Variants in PTPRD observed in about 807,000 individuals in gnomAD.
PTPRD encodes the protein protein tyrosine phosphatase receptor type D.
A neutral mutation model predicts 214.5 loss-of-function variants in PTPRD; 34 were observed. That is an observed-to-expected ratio of 0.16 (90% confidence interval 0.12 to 0.21). PTPRD has a LOEUF of 0.21. PTPRD is among the 10% of genes least tolerant of loss of function. The pLI is 1.00. For synonymous variants in PTPRD, 1,128 were observed against 845.7 expected (o/e 1.33, Z -5.79); for missense variants, 2,545 against 2,398.7 (o/e 1.06, Z -1.27).
chr9:10,197,783 T>C (rs1363689342), intron 3 of PTPRD, among the ~76,000 whole-genome samples: 1 of 151,964 alleles, frequency 6.6e-6, no homozygotes, highest in East Asian at 1.9e-4. Context: ...TGGTAGGCCA[T>C]GGGAGGGATG....
At chr9:8,565,010 C>T (rs562143399) in intron 14 of PTPRD, among the ~76,000 whole-genome samples, 1 of 152,154 alleles carries the variant, frequency 6.6e-6, no homozygotes, top group Non-Finnish European at 1.5e-5. Flanking sequence ...AATACAAAAG[C>T]TCCTTCATTG....
At chr9:8,740,872 T>C (rs901369212) in intron 11 of PTPRD, among the ~76,000 whole-genome samples, 5 of 152,172 alleles carry the variant, frequency 3.3e-5, no homozygotes, top group Non-Finnish European at 5.9e-5. Context: ...AAGCACACAA[T>C]GATTCTTTGA....
At chr9:10,139,464 G>T (rs1310150745) in intron 3 of PTPRD, among the ~76,000 whole-genome samples, 1 of 151,786 alleles carries the variant, frequency 6.6e-6, no homozygotes, top group African/African-American at 2.4e-5. Flanking sequence ...GCAATTTAAA[G>T]ATTCAATGGT....
At chr9:9,513,637 CTTTCCTGAAT>C (rs2096764700) in intron 8 of PTPRD, among the ~76,000 whole-genome samples, 1 of 151,430 alleles carries the variant, frequency 6.6e-6, no homozygotes, top group Non-Finnish European at 1.5e-5. Flanking sequence ...AATATTCACA[CTTTCCTGAAT>C]ATTCTTCTCC....
Position 8,507,421 on chromosome 9 carries a change from T to C in PTPRD, c.1557A>G (p.Pro519=). 6.2e-7 allele frequency: 1 copy of C among 1,613,954 alleles called. No individual in the cohort carries two copies. The highest frequency in any genetic ancestry group is 8.5e-7 in the Non-Finnish European group (1 of 1,179,838). Reference sequence around the variant, plus strand: ...ACTCAGGTTCTGCTTTGAAGTTTAGTGGCTGCCCTGGTACTAAAAACAGGG... The same window carrying C: ...ACTCAGGTTCTGCTTTGAAGTTTAGCGGCTGCCCTGGTACTAAAAACAGGG... ...VITQTGVPGQ[P]LNFKAEPESE... Residue 519 remains proline, a synonymous_variant, in exon 22 of 46, where the codon CCA becomes CCG. Transcript: ENST00000381196.
At chr9:10,257,671 G>C (rs1450946904) in intron 3 of PTPRD, among the ~76,000 whole-genome samples, 1 of 152,120 alleles carries the variant, frequency 6.6e-6, no homozygotes, top group Non-Finnish European at 1.5e-5. Flanking sequence ...AGAGACATCT[G>C]ACCCCACCTG....
At chr9:10,438,008 C>CATATATATTATATATATATATATATAT (rs1555347109) in intron 2 of PTPRD, among the ~76,000 whole-genome samples, 4 of 125,150 alleles carry the variant, frequency 3.2e-5, no homozygotes, top group African/African-American at 1.5e-4. Context: ...CCTAAGTCTA[C>CATATATATTATATATATATATATATAT]ATATATATAT....
At chr9:9,932,112 C>T (rs1265503220) in intron 5 of PTPRD, among the ~76,000 whole-genome samples, 15 of 148,604 alleles carry the variant, frequency 1.0e-4, no homozygotes, top group South Asian at 2.1e-4. Flanking sequence ...GTAGATAAAA[C>T]CACAAAGATG....
intron 2 of PTPRD, among the ~76,000 whole-genome samples, chr9:10,351,494 G>A (rs1565474514): frequency 2.0e-5 from 3 of 151,950 alleles, no homozygotes; most frequent in Non-Finnish European, 2.9e-5. Flanking sequence ...AAAATATATT[G>A]TATTGGAGTC....
intron 20 of PTPRD, among the ~76,000 whole-genome samples, chr9:8,519,263 C>T (rs966224073): frequency 6.6e-6 from 1 of 152,112 alleles, no homozygotes; most frequent in African/African-American, 2.4e-5. Context: ...AATGTAGCTA[C>T]ATGACAAATA....
intron 8 of PTPRD, among the ~76,000 whole-genome samples, chr9:9,521,412 C>T (rs899158025): frequency 2.0e-5 from 3 of 152,090 alleles, no homozygotes; most frequent in Admixed American, 6.6e-5. Flanking sequence ...ATCATAAGGA[C>T]TCTAAAAAGA....
At chr9:8,575,778 A>G (rs1011244627) in intron 14 of PTPRD, among the ~76,000 whole-genome samples, 3 of 152,212 alleles carry the variant, frequency 2.0e-5, no homozygotes, top group Admixed American at 6.5e-5. Flanking sequence ...GAAATTGTGC[A>G]ACAAATGTAG....
intron 8 of PTPRD, among the ~76,000 whole-genome samples, chr9:9,548,823 C>G (rs1379222251): frequency 6.6e-6 from 1 of 151,996 alleles, no homozygotes; most frequent in Non-Finnish European, 1.5e-5. Context: ...CATAGCAATA[C>G]TAAATGTATA....
At chr9:10,175,368 T>G (rs899170293) in intron 3 of PTPRD, among the ~76,000 whole-genome samples, 13 of 152,102 alleles carry the variant, frequency 8.5e-5, no homozygotes, top group African/African-American at 2.9e-4. Flanking sequence ...TAGCTCTTAT[T>G]ATTTGAGTCT....
chr9:8,459,306 G>T (rs1028833074), intron 33 of PTPRD, among the ~76,000 whole-genome samples: 1 of 152,030 alleles, frequency 6.6e-6, no homozygotes, highest in Non-Finnish European at 1.5e-5. Context: ...GACAGGGAGA[G>T]AAGCTATCTT....
At chr9:9,014,655 A>G (rs1198399309) in intron 11 of PTPRD, among the ~76,000 whole-genome samples, 1 of 152,170 alleles carries the variant, frequency 6.6e-6, no homozygotes, top group East Asian at 1.9e-4. Context: ...TTTATCAAGC[A>G]GTATATTTAC....
intron 3 of PTPRD, among the ~76,000 whole-genome samples, chr9:10,036,522 ACACACACACAC>A (rs1280799607): frequency 1.4e-5 from 2 of 143,168 alleles, no homozygotes; most frequent in Admixed American, 1.4e-4. Flanking sequence ...ACACACACAC[ACACACACACAC>A]AATTTTGCCA....
intron 5 of PTPRD, among the ~76,000 whole-genome samples, chr9:9,876,530 A>G (rs10978055): frequency 0.025 from 3,828 of 152,316 alleles, 60 homozygotes; most frequent in Middle Eastern, 0.044. Context: ...CATGATGTGA[A>G]AACACTTGTT....
At chr9:9,452,445 T>C (rs1367292133) in intron 8 of PTPRD, among the ~76,000 whole-genome samples, 3 of 151,442 alleles carry the variant, frequency 2.0e-5, no homozygotes, top group African/African-American at 7.2e-5. Flanking sequence ...GAAAAAATAC[T>C]GGTGAATGTA....
Sources: allele counts gnomAD v4.1 joint callset (sites outside exome capture counted in the v4.1 genomes callset), GRCh38; gene constraint gnomAD v4.1.1; transcripts MANE v1.5; gene names NCBI Gene and HGNC (gene_info 2026-07-23, HGNC 2026-07-21).